Variants in ADGRL3 observed in about 807,000 individuals in gnomAD.
ADGRL3 encodes calcium-independent alpha-latrotoxin receptor 3.
ADGRL3 carries 62 observed loss-of-function variants against 153.5 expected under a neutral mutation model. That is an observed-to-expected ratio of 0.40 (90% CI 0.33 to 0.50). The LOEUF is 0.50. Ranked by LOEUF, ADGRL3 falls within the 20% of genes least tolerant of loss-of-function variation. The pLI is 0.47. For synonymous variants in ADGRL3, 710 were observed against 672.5 expected (o/e 1.06, Z -0.86); for missense variants, 1,641 against 1,859.4 (o/e 0.88, Z 2.16).
At chr4:61,566,880 A>C (rs2098818479) in intron 4 of ADGRL3, among the ~76,000 whole-genome samples, 1 of 152,178 alleles carries the variant, frequency 6.6e-6, no homozygotes, top group Non-Finnish European at 1.5e-5. Context: ...CTCAACAAAA[A>C]TATAACATCC....
chr4:61,846,055 C>G (rs901649041), intron 9 of ADGRL3, among the ~76,000 whole-genome samples: 1 of 152,042 alleles, frequency 6.6e-6, no homozygotes, highest in East Asian at 1.9e-4. Flanking sequence ...TGGCTGAGGT[C>G]TGTAATTCCA....
At chr4:61,372,595 T>C (rs1321302023) in intron 1 of ADGRL3, among the ~76,000 whole-genome samples, 1 of 152,184 alleles carries the variant, frequency 6.6e-6, no homozygotes, top group Admixed American at 6.5e-5. Flanking sequence ...TTCTCAGATC[T>C]CCAGCTGCGT....
At chr4:61,260,903 T>C (rs1355914223) in intron 1 of ADGRL3, among the ~76,000 whole-genome samples, 1 of 152,076 alleles carries the variant, frequency 6.6e-6, no homozygotes, top group African/African-American at 2.4e-5. Flanking sequence ...TTTTTGTATT[T>C]TTTGTAGAGA....
chr4:61,288,935 C>G (rs1397621923), intron 1 of ADGRL3, among the ~76,000 whole-genome samples: 3 of 151,868 alleles, frequency 2.0e-5, no homozygotes, highest in Non-Finnish European at 2.9e-5. Context: ...CTTCCTCAAC[C>G]AGGGCACTAA....
intron 21 of ADGRL3, among the ~76,000 whole-genome samples, chr4:62,026,846 T>G (rs1387498734): frequency 2.0e-5 from 3 of 152,054 alleles, no homozygotes; most frequent in African/African-American, 7.2e-5. Context: ...CTATGTGAGA[T>G]GATGGATACA....
At chr4:62,012,931 A>G (rs947320322) in intron 21 of ADGRL3, among the ~76,000 whole-genome samples, 50 of 152,276 alleles carry the variant, frequency 3.3e-4, no homozygotes, top group Middle Eastern at 3.4e-3. Context: ...TCTGGTGAAG[A>G]TGACTTGGGA....
At chr4:61,225,452 G>A (rs1375369344) in intron 1 of ADGRL3, among the ~76,000 whole-genome samples, 1 of 152,068 alleles carries the variant, frequency 6.6e-6, no homozygotes, top group Non-Finnish European at 1.5e-5. Context: ...ATTCTGATAG[G>A]GGCATTATTT....
At chr4:61,219,729 C>G (rs1484190006) in intron 1 of ADGRL3, among the ~76,000 whole-genome samples, 2 of 152,154 alleles carry the variant, frequency 1.3e-5, no homozygotes, top group East Asian at 3.8e-4. Flanking sequence ...CTCATCATTG[C>G]TCTTTGTCAT....
At chr4:61,796,454 C>T (rs1561266596) in intron 8 of ADGRL3, among the ~76,000 whole-genome samples, 1 of 152,034 alleles carries the variant, frequency 6.6e-6, no homozygotes, top group East Asian at 1.9e-4. Context: ...ATAAAGGAAC[C>T]AAATCAGAAA....
At chr4:61,497,076 C>G (rs991556513) in intron 2 of ADGRL3, 45 bp from the exon 3 acceptor site, 8 of 512,976 alleles carry the variant, frequency 1.6e-5, no homozygotes, top group Non-Finnish European at 2.4e-5. Flanking sequence ...CTTTGGATTA[C>G]TTACTTATTT....
At chr4:61,255,033 T>A (rs552614744) in intron 1 of ADGRL3, among the ~76,000 whole-genome samples, 1 of 152,168 alleles carries the variant, frequency 6.6e-6, no homozygotes, top group Non-Finnish European at 1.5e-5. Flanking sequence ...ATGGATAATG[T>A]ACACAAACTA....
chr4:61,550,587 G>T (rs2098735740), intron 4 of ADGRL3, among the ~76,000 whole-genome samples: 1 of 151,900 alleles, frequency 6.6e-6, no homozygotes, highest in South Asian at 2.1e-4. Context: ...TTGGTGTGGG[G>T]AGTGGTGAAT....
chr4:61,454,316 GATT>G (rs2097709028), intron 2 of ADGRL3, among the ~76,000 whole-genome samples: 1 of 152,086 alleles, frequency 6.6e-6, no homozygotes, highest in African/African-American at 2.4e-5. Flanking sequence ...GGTGCATTTT[GATT>G]ATTGACTTTT....
At chr4:61,659,585 C>T (rs1483172079) in intron 5 of ADGRL3, among the ~76,000 whole-genome samples, 3 of 151,980 alleles carry the variant, frequency 2.0e-5, no homozygotes, top group South Asian at 4.1e-4. Flanking sequence ...GTCTGATAAC[C>T]GGCTTTATAT....
At chr4:61,819,455 C>G (rs980738233) in intron 9 of ADGRL3, among the ~76,000 whole-genome samples, 1 of 152,032 alleles carries the variant, frequency 6.6e-6, no homozygotes, top group Admixed American at 6.6e-5. Flanking sequence ...TCCCCTTACT[C>G]CATTCACCCA....
intron 6 of ADGRL3, among the ~76,000 whole-genome samples, chr4:61,705,685 G>A (rs1255667820): frequency 2.0e-5 from 3 of 152,032 alleles, no homozygotes; most frequent in Middle Eastern, 3.4e-3. Context: ...TTTTGGTAGA[G>A]ACAGGGTTTC....
intron 4 of ADGRL3, among the ~76,000 whole-genome samples, chr4:61,539,362 C>T (rs1235102065): frequency 2.0e-5 from 3 of 152,188 alleles, no homozygotes; most frequent in African/African-American, 7.2e-5. Context: ...TCCTTCTATT[C>T]CTGGTTATCA....
chr4:61,935,203 T>C (rs1581532028), intron 14 of ADGRL3, among the ~76,000 whole-genome samples, 180 bp downstream of exon 14: 1 of 152,208 alleles, frequency 6.6e-6, no homozygotes, highest in East Asian at 1.9e-4. Context: ...TACAAGATCA[T>C]GTGTGCTATC....
intron 5 of ADGRL3, among the ~76,000 whole-genome samples, chr4:61,646,169 T>A (rs981904824): frequency 2.6e-5 from 4 of 152,050 alleles, no homozygotes; most frequent in African/African-American, 9.7e-5. Context: ...TATTGGTTAT[T>A]CTAGTTATAC....
Sources: allele counts gnomAD v4.1 joint callset (sites outside exome capture counted in the v4.1 genomes callset), GRCh38; gene constraint gnomAD v4.1.1; transcripts MANE v1.5; gene names NCBI Gene and HGNC (gene_info 2026-07-23, HGNC 2026-07-21).